The following FHL1 variants were observed in gnomAD, a reference collection of about 807,000 sequenced individuals.
FHL1 encodes four and a half LIM domains protein 1.
FHL1 carries 1 observed loss-of-function variant against 20.3 expected under a neutral mutation model. The observed-to-expected ratio is 0.05, with a 90% CI of 0.02 to 0.23. The LOEUF is 0.23. FHL1 is among the 10% of genes least tolerant of loss of function. FHL1 has a pLI of 1.00. For synonymous variants in FHL1, 82 were observed against 88.9 expected, an observed-to-expected ratio of 0.92 and a Z score of 0.44; for missense variants, 177 against 234.0, an observed-to-expected ratio of 0.76 and a Z score of 1.59.
intron 1 of FHL1, among the ~76,000 whole-genome samples, chrX:136,152,957 T>A (rs1048151860): frequency 9.0e-6 from 1 of 111,614 alleles, no homozygotes; most frequent in Non-Finnish European, 1.9e-5. Flanking sequence ...ACCATGAACC[T>A]GGAAGTTATG....
chrX:136,209,876 G>C lies in FHL1; in HGVS notation c.742G>C (p.Gly248Arg), dbSNP rs1301657951. ...AGCKNPITGFGKGSSVVAYEG... is the reference protein window; with the variant it reads ...AGCKNPITGFRKGSSVVAYEG... ...TTCTTTTTTTTTCCCCCCAGGGTTT[G>C]GTAAAGGCTCCAGTGTGGTGGCCTA... Residue 248 changes from glycine to arginine, a missense_variant, in exon 6 of 6, where the codon GGT becomes CGT. Coordinates refer to ENST00000370683, the MANE Select transcript of FHL1 (RefSeq NM_001159699.2). 8.3e-7 allele frequency: 1 copy of C among 1,206,603 alleles called. No homozygotes were observed. The highest frequency in any genetic ancestry group is 1.1e-6 in the Non-Finnish European group (1 of 893,837).
upstream of FHL1, chrX:136,196,774 C>T (rs1603265407): frequency 8.6e-7 from 1 of 1,157,330 alleles, no homozygotes; most frequent in East Asian, 3.3e-5. Context: ...TATGCCAGAG[C>T]CGAGTCCAAA....
At chrX:136,148,449 A>C (rs1036399574) in intron 1 of FHL1, 1 of 106,706 alleles carries the variant, frequency 9.4e-6, no homozygotes, top group African/African-American at 3.4e-5. Context: ...GAATCTAGAG[A>C]AGCACGAGGA....
chrX:136,146,980 C>T (rs2072110650), upstream of FHL1: 1 of 322,113 alleles, frequency 3.1e-6, no homozygotes, highest in Non-Finnish European at 6.0e-6. Context: ...GGCGTGGGCC[C>T]CGAAGCGGGG....
intron 2 of FHL1, among the ~76,000 whole-genome samples, chrX:136,186,771 T>A (rs2073299513): frequency 9.2e-6 from 1 of 108,213 alleles, no homozygotes; most frequent in African/African-American, 3.4e-5. Flanking sequence ...GGAGAATCGC[T>A]TGAGCCCGGG....
chrX:136,177,146 A>G (rs888413415), intron 2 of FHL1, among the ~76,000 whole-genome samples: 3 of 111,714 alleles, frequency 2.7e-5, no homozygotes, highest in African/African-American at 9.7e-5. Flanking sequence ...CAGAATACCA[A>G]ATCAATGGAA....
intron 2 of FHL1, among the ~76,000 whole-genome samples, chrX:136,177,897 G>A (rs1205713861): frequency 8.9e-6 from 1 of 112,489 alleles, no homozygotes; most frequent in African/African-American, 3.2e-5. Flanking sequence ...ATGCTCACTT[G>A]TAAGAGAGAA....
At chrX:136,160,621 C>T (rs949838404) in intron 1 of FHL1, among the ~76,000 whole-genome samples, 3 of 111,424 alleles carry the variant, frequency 2.7e-5, no homozygotes, top group African/African-American at 6.5e-5. Context: ...GGCAGGGTCT[C>T]GCTATATTGT....
intron 2 of FHL1, among the ~76,000 whole-genome samples, chrX:136,191,249 C>T (rs1250531877): frequency 8.9e-6 from 1 of 111,867 alleles, no homozygotes; most frequent in Non-Finnish European, 1.9e-5. Flanking sequence ...CCTCTGTCCA[C>T]CTGTGGTTAC....
In FHL1 at chrX:136,208,058, C is replaced by T. The variant is rs144278576; in HGVS notation, c.549+97C>T. 1.3e-4 allele frequency: 126 copies of T among 994,895 alleles called. No homozygotes were observed. In the East Asian group the frequency reaches 3.0e-3, roughly 24 times the overall value. 82.0% of individuals were successfully genotyped at this position (994,895 alleles called of 1,213,427 possible). ...CACACACTATCCCATTCCATCCTCA[C>T]GACAGCCCTGTGACGTAGGAATTAT... On this transcript the variant is annotated intron_variant, in intron 4 of 5. Coordinates refer to ENST00000370683, the MANE Select transcript of FHL1 (RefSeq NM_001159699.2).
Position 136,153,768 on chromosome X carries a change from C to G in FHL1, c.-101+6140C>G, listed in dbSNP as rs187525543. ...TTGTATGTCCTTTAAAAATGGAGTACTTTCTAAAAATGGTGGATTCAAGCC... is the reference window on the plus strand; with the variant it reads ...TTGTATGTCCTTTAAAAATGGAGTAGTTTCTAAAAATGGTGGATTCAAGCC... On this transcript the variant is annotated intron_variant, in intron 1 of 7. Transcript: ENST00000394155. 1.3e-3 allele frequency among the ~76,000 whole-genome samples: 145 copies of G among 111,854 alleles called. 1 individual carries two copies. Among genetic ancestry groups the G allele is most frequent in the African/African-American group, 4.3e-3 (133 of 30,818 alleles).
intron 2 of FHL1, among the ~76,000 whole-genome samples, chrX:136,172,494 G>A (rs2072897692): frequency 8.9e-6 from 1 of 112,031 alleles, no homozygotes; most frequent in African/African-American, 3.2e-5. Flanking sequence ...ACAGTTCCAA[G>A]TCCCCATCTC....
intron 5 of FHL1, 115 bp downstream of exon 5, chrX:136,208,756 C>T: frequency 1.3e-6 from 1 of 756,072 alleles, no homozygotes; most frequent in South Asian, 2.1e-5. Flanking sequence ...TGCCCTTCTC[C>T]CCCTGCTATT....
At chrX:136,209,358 G>A in intron 5 of FHL1, 1 of 1,211,199 alleles carries the variant, frequency 8.3e-7, no homozygotes. Flanking sequence ...TCCGGGGCAG[G>A]CATCCGGGTG....
At chrX:136,204,477 C>T (rs936825729) in intron 1 of FHL1, among the ~76,000 whole-genome samples, 2 of 112,460 alleles carry the variant, frequency 1.8e-5, no homozygotes, top group African/African-American at 6.5e-5. Context: ...GTGTCCATTG[C>T]GTCTCTAGTT....
chrX:136,191,904 A>G (rs1369846741), intron 2 of FHL1, among the ~76,000 whole-genome samples: 1 of 112,117 alleles, frequency 8.9e-6, no homozygotes, highest in Non-Finnish European at 1.9e-5. Flanking sequence ...TAAAATGTTC[A>G]TAAAAGGTGG....
chrX:136,157,085 ATT>A (rs1190245596), intron 1 of FHL1, among the ~76,000 whole-genome samples: 1 of 111,643 alleles, frequency 9.0e-6, no homozygotes, highest in Non-Finnish European at 1.9e-5. Flanking sequence ...GGATTTAGAC[ATT>A]TGACTTAACA....
chrX:136,205,203 T>C (rs2073810172), intron 1 of FHL1, among the ~76,000 whole-genome samples: 1 of 111,824 alleles, frequency 8.9e-6, no homozygotes, highest in Admixed American at 9.5e-5. Context: ...GGCAGGATTC[T>C]ATAGGAAATG....
At chrX:136,155,733 G>C (rs183761359) in intron 1 of FHL1, among the ~76,000 whole-genome samples, 2 of 110,210 alleles carry the variant, frequency 1.8e-5, no homozygotes, top group Admixed American at 1.9e-4. Flanking sequence ...AGATTTACTT[G>C]TGCCTCATTT....
Sources: allele counts gnomAD v4.1 joint callset (sites outside exome capture counted in the v4.1 genomes callset), GRCh38; gene constraint gnomAD v4.1.1; transcripts MANE v1.5; gene names NCBI Gene and HGNC (gene_info 2026-07-23, HGNC 2026-07-21).